Variants in ADAM28 observed in about 807,000 individuals in gnomAD.
The protein encoded by ADAM28 is ADAM metallopeptidase domain 28, also known as disintegrin and metalloproteinase domain-containing protein 28.
ADAM28 carries 105 observed loss-of-function variants against 101.2 expected under a neutral mutation model. The observed-to-expected ratio is 1.04, with a 90% CI of 0.89 to 1.22. The LOEUF (loss-of-function observed/expected upper bound fraction) is 1.22. Ranked by LOEUF, ADAM28 falls within the 50% of genes most tolerant of loss-of-function variation. The pLI is 0.00. For synonymous variants in ADAM28, 322 were observed against 310.6 expected (o/e 1.04, Z -0.39); for missense variants, 1,028 against 945.4 (o/e 1.09, Z -1.15).
chr8:24,318,115 G>A (rs1386785706), intron 6 of ADAM28, among the ~76,000 whole-genome samples: 1 of 151,978 alleles, frequency 6.6e-6, no homozygotes, highest in East Asian at 1.9e-4. Flanking sequence ...CTTGATGTTT[G>A]CCTTACTTGA....
rs759921822 is a variant in ADAM28 at position 24,320,349 on chromosome 8, C to T, written c.648+42C>T. On this transcript the variant is annotated intron_variant, in intron 7 of 22. Transcript: ENST00000265769. ...AATGTGCTGTCTTCCAAAACTCCCA[C>T]CCACATATATTTATTTATTATGTGA... 3.2e-6 allele frequency: 4 copies of T among 1,265,350 alleles called. No individual in the cohort carries two copies. In the East Asian group the frequency reaches 7.1e-5, roughly 22 times the overall value. 78.4% of individuals were successfully genotyped at this position (1,265,350 alleles called of 1,614,324 possible).
intron 10 of ADAM28, among the ~76,000 whole-genome samples, chr8:24,329,564 T>C (rs935645842): frequency 5.9e-5 from 9 of 152,078 alleles, no homozygotes; most frequent in Admixed American, 6.6e-5. Flanking sequence ...ATTATGGAAT[T>C]GAGAAAGATA....
At chr8:24,312,072 C>G (rs1163467820) in intron 5 of ADAM28, among the ~76,000 whole-genome samples, 1 of 152,148 alleles carries the variant, frequency 6.6e-6, no homozygotes, top group African/African-American at 2.4e-5. Context: ...CTCGCTCTCT[C>G]TCTAGATTGC....
intron 6 of ADAM28, among the ~76,000 whole-genome samples, chr8:24,316,083 T>A: frequency 6.6e-6 from 1 of 151,498 alleles, no homozygotes; most frequent in Admixed American, 6.6e-5. Context: ...TATTTATTTA[T>A]TTATTTATTT....
At chr8:24,294,725 C>T (rs6557728) in intron 1 of ADAM28, among the ~76,000 whole-genome samples, 29,153 of 151,980 alleles carry the variant, frequency 0.19, 3,087 homozygotes, top group East Asian at 0.34. Context: ...TTATAAGGTA[C>T]TGTGATATTA....
intron 18 of ADAM28, among the ~76,000 whole-genome samples, chr8:24,348,351 C>T (rs1415182046): frequency 6.6e-6 from 1 of 152,116 alleles, no homozygotes; most frequent in Non-Finnish European, 1.5e-5. Flanking sequence ...CCATCAACAT[C>T]CCCCATTCTC....
chr8:24,323,691 T>C (rs368221631), intron 8 of ADAM28, 143 bp from the exon 9 acceptor site: 1 of 817,318 alleles, frequency 1.2e-6, no homozygotes, highest in African/African-American at 1.7e-5. Flanking sequence ...AAATAGTCAA[T>C]ACATTCTGTT....
chr8:24,338,704 G>A (rs747732381), intron 14 of ADAM28, among the ~76,000 whole-genome samples: 1 of 152,094 alleles, frequency 6.6e-6, no homozygotes, highest in African/African-American at 2.4e-5. Flanking sequence ...TTTGTCAAAG[G>A]CTAGACTCAA....
intron 10 of ADAM28, among the ~76,000 whole-genome samples, chr8:24,327,944 G>T (rs1239270041): frequency 2.0e-5 from 3 of 151,814 alleles, no homozygotes; most frequent in African/African-American, 7.3e-5. Context: ...TTTTGTTTTA[G>T]ATATCCATCT....
chr8:24,349,559 TATTC>T (rs1457480436), intron 18 of ADAM28, among the ~76,000 whole-genome samples: 1 of 152,214 alleles, frequency 6.6e-6, no homozygotes, highest in Non-Finnish European at 1.5e-5. Context: ...CCTTACTGTA[TATTC>T]TCTTCTAATC....
In ADAM28 at chr8:24,330,121, G is replaced by A. The variant is rs1331469583; in HGVS notation, c.1103+6G>A. The A allele has an allele frequency of 6.2e-7, 1 of 1,611,590 alleles. No homozygotes were observed. Among genetic ancestry groups the A allele is most frequent in the South Asian group, 1.1e-5 (1 of 90,890 alleles). On this transcript the variant is annotated splice_donor_region_variant and intron_variant, in intron 11 of 22. Transcript: ENST00000265769. ...GTGATGGACAAAGCACTGAGGTGAG[G>A]CTCTCTGGGCCCTGGGGACATGCTA...
At chr8:24,339,964 T>C (rs1814564869) in intron 15 of ADAM28, among the ~76,000 whole-genome samples, 1 of 152,174 alleles carries the variant, frequency 6.6e-6, no homozygotes, top group South Asian at 2.1e-4. Context: ...AATATTTATC[T>C]ACCCAGAGGA....
rs536363995 is a variant in ADAM28, at chr8:24,339,903, A to G, written c.1670+335A>G. 5.3e-5 allele frequency among the ~76,000 whole-genome samples: 8 copies of G among 152,310 alleles called. No individual in the cohort carries two copies. The South Asian group carries it at 1.7e-3, about 32-fold the overall frequency. On this transcript the variant is annotated intron_variant, in intron 15 of 22. Coordinates refer to ENST00000265769, the MANE Select transcript of ADAM28 (RefSeq NM_014265.6). ...ATTTGTCCAGGGATTTCCCAGTATA[A>G]ATCAGATGCTTTCTCAATCTCATGT...
rs1487199621 is a variant in ADAM28, at chr8:24,329,844, GCT to G, written c.973-138_973-137del. The stretch of plus-strand genomic sequence containing the variant: ...TTCCATTTAGTACTCTCTCTCTCTT[GCT>G]CTGTGTGTGTGTGTGTGTGTGTTTG... On this transcript the variant is annotated intron_variant, in intron 10 of 22. Coordinates refer to ENST00000265769, the MANE Select transcript of ADAM28 (RefSeq NM_014265.6). 18 of 835,692 alleles carry G rather than the reference GCT, an allele frequency of 2.2e-5. No individual in the cohort carries two copies. In the African/African-American group the frequency reaches 3.1e-4, roughly 15 times the overall value. The allele number at this position is 835,692 out of a possible 1,614,324, so 51.8% of individuals were successfully genotyped here.
At chr8:24,327,579 G>C (rs1812790609) in intron 10 of ADAM28, among the ~76,000 whole-genome samples, 1 of 152,052 alleles carries the variant, frequency 6.6e-6, no homozygotes, top group Non-Finnish European at 1.5e-5. Context: ...GCATAGCAAA[G>C]ACAATCCTAA....
Position 24,313,441 on chromosome 8 carries a change from T to G in ADAM28, c.437T>G (p.Ile146Arg), listed in dbSNP as rs1810738401. ...TACTTTATTGAACCTTTAAGCCCCA[T>G]ACATCGGGATGGACAGGAGCATGCA... ...QRYFIEPLSP[I>R]HRDGQEHALF... Residue 146 changes from isoleucine to arginine, a missense_variant, in exon 6 of 23, where the codon ATA (isoleucine) becomes AGA (arginine). Physicochemically the swap from Ile to Arg is moderately conservative, Grantham distance 97. Transcript: ENST00000265769. 6.2e-7 allele frequency: 1 copy of G among 1,613,616 alleles called. No homozygotes were observed. The highest frequency in any genetic ancestry group is 1.3e-5 in the African/African-American group (1 of 74,882).
chr8:24,351,484 T>G, intron 20 of ADAM28, 174 bp downstream of exon 20: 1 of 706,458 alleles, frequency 1.4e-6, no homozygotes, highest in Non-Finnish European at 2.5e-6. Context: ...ATGCCGAGGC[T>G]ACTTTGCCGG....
chr8:24,312,700 T>A (rs950985449), intron 5 of ADAM28, among the ~76,000 whole-genome samples: 1 of 151,998 alleles, frequency 6.6e-6, no homozygotes, highest in African/African-American at 2.4e-5. Flanking sequence ...ATTTTCCTCA[T>A]TTGAACATAA....
intron 7 of ADAM28, among the ~76,000 whole-genome samples, chr8:24,320,656 G>T (rs902224297): frequency 2.4e-4 from 37 of 151,836 alleles, no homozygotes; most frequent in Admixed American, 2.2e-3. Context: ...TCTCATTAGG[G>T]AGTCAATACA....
Sources: allele counts gnomAD v4.1 joint callset (sites outside exome capture counted in the v4.1 genomes callset), GRCh38; gene constraint gnomAD v4.1.1; transcripts MANE v1.5; gene names NCBI Gene and HGNC (gene_info 2026-07-23, HGNC 2026-07-21).